The following ADGRV1 variants were observed in gnomAD, a reference collection of about 807,000 sequenced individuals.
ADGRV1 encodes the protein G-protein coupled receptor 98.
A neutral mutation model predicts 596.2 loss-of-function variants in ADGRV1; 359 were observed. The observed-to-expected ratio is 0.60, with a 90% CI of 0.55 to 0.66. The LOEUF (loss-of-function observed/expected upper bound fraction) is 0.66, where lower values mean the gene tolerates loss of function less well. ADGRV1 is among the 30% of genes least tolerant of loss of function. The pLI is 0.00. For missense variants in ADGRV1, 7,274 were observed against 7,575.6 expected, an observed-to-expected ratio of 0.96 and a Z score of 1.48; for synonymous variants, 2,681 against 2,679.2, an observed-to-expected ratio of 1.00 and a Z score of -0.02.
rs1745277936 is a variant in ADGRV1, at chr5:90,683,979, G to T, written c.6058G>T (p.Asp2020Tyr). The T allele has an allele frequency of 6.2e-7, 1 of 1,613,896 alleles. No individual in the cohort carries two copies. The highest frequency in any genetic ancestry group is 1.3e-5 in the African/African-American group (1 of 75,022). Residue 2020 changes from aspartate to tyrosine, a missense_variant, in exon 28 of 90, where the codon GAT becomes TAT. Physicochemically the swap from Asp to Tyr is radical, Grantham distance 160. Coordinates refer to ENST00000405460, the MANE Select transcript of ADGRV1 (RefSeq NM_032119.4). ...CCTTGTCTCATATGCAACACTAGAT[G>T]ATATGGAAAAACCACCTTATTTTCC... ...KVLVSYATLDDMEKPPYFPPN... is the reference protein window; with the variant it reads ...KVLVSYATLDYMEKPPYFPPN...
At chr5:91,163,367 A>G (rs539090561) in intron 89 of ADGRV1, among the ~76,000 whole-genome samples, 1 of 152,196 alleles carries the variant, frequency 6.6e-6, no homozygotes, top group East Asian at 1.9e-4. Flanking sequence ...ATCTCAAGTG[A>G]TGGACCTCAG....
Position 90,840,838 on chromosome 5 carries a change from T to A in ADGRV1, c.16872T>A (p.Asp5624Glu). 1 of 1,613,578 alleles carries A rather than the reference T, an allele frequency of 6.2e-7. No homozygotes were observed. Residue 5624 changes from aspartate to glutamate, a missense_variant, in exon 78 of 90, where the codon GAT becomes GAA. Physicochemically the swap from Asp to Glu is conservative, Grantham distance 45. Coordinates refer to ENST00000405460, the MANE Select transcript of ADGRV1 (RefSeq NM_032119.4). ...ACATCACTCTTGTCTCAGATGCAGA[T>A]TCGCAGGCCATTTGGGGGCTTGCAG... ...TANITLVSDADSQAIWGLADQ... is the reference protein window; with the variant it reads ...TANITLVSDAESQAIWGLADQ...
chr5:90,857,127 A>T (rs1478971140), intron 82 of ADGRV1, among the ~76,000 whole-genome samples: 2 of 152,116 alleles, frequency 1.3e-5, no homozygotes, highest in South Asian at 2.1e-4. Context: ...CTTATTCTTA[A>T]TATCTTTCAT....
intron 32 of ADGRV1, among the ~76,000 whole-genome samples, chr5:90,693,247 G>T (rs545123668): frequency 3.6e-5 from 5 of 139,018 alleles, no homozygotes; most frequent in Non-Finnish European, 7.7e-5. Flanking sequence ...ACAGGGAATT[G>T]ATTGCAGGTC....
intron 85 of ADGRV1, among the ~76,000 whole-genome samples, chr5:91,058,118 T>TA (rs1787060034): frequency 6.6e-6 from 1 of 152,284 alleles, no homozygotes; most frequent in Non-Finnish European, 1.5e-5. Context: ...GAGTCTGACT[T>TA]ACGCTGAGAA....
chr5:91,162,871 C>A (rs576395999), intron 89 of ADGRV1, among the ~76,000 whole-genome samples: 2 of 152,254 alleles, frequency 1.3e-5, no homozygotes, highest in South Asian at 4.1e-4. Context: ...GCTGCCTGAG[C>A]AACCGGTTTT....
chr5:90,883,587 C>G (rs888432192), intron 83 of ADGRV1, among the ~76,000 whole-genome samples: 3 of 152,146 alleles, frequency 2.0e-5, no homozygotes, highest in African/African-American at 7.2e-5. Context: ...GCCTTTCTCT[C>G]CCACCTTCCA....
chr5:90,565,039 A>AGCCTGACCAACATGGTGAAACCC (rs1161106325), intron 1 of ADGRV1, among the ~76,000 whole-genome samples: 1 of 152,118 alleles, frequency 6.6e-6, no homozygotes, highest in Non-Finnish European at 1.5e-5. Context: ...GTTTGAGACC[A>AGCCTGACCAACATGGTGAAACCC]GCCTGACCAA....
intron 1 of ADGRV1, among the ~76,000 whole-genome samples, chr5:90,596,404 C>G (rs1300428063): frequency 6.6e-6 from 1 of 151,772 alleles, no homozygotes. Context: ...CGGGCAGAGG[C>G]TGCAATCTCG....
At chr5:90,924,197 A>T (rs1297925870) in intron 83 of ADGRV1, among the ~76,000 whole-genome samples, 1 of 151,786 alleles carries the variant, frequency 6.6e-6, no homozygotes, top group Non-Finnish European at 1.5e-5. Context: ...ATCCCTGAGG[A>T]ATCATCACAC....
At chr5:90,712,458 C>A in intron 42 of ADGRV1, 30 bp downstream of exon 42, 1 of 1,518,846 alleles carries the variant, frequency 6.6e-7, no homozygotes, top group Non-Finnish European at 9.0e-7. Flanking sequence ...AAACAGCTTC[C>A]TCTCCTTCAT....
At chr5:90,988,886 T>G (rs1327795664) in intron 85 of ADGRV1, among the ~76,000 whole-genome samples, 3 of 149,398 alleles carry the variant, frequency 2.0e-5, no homozygotes, top group African/African-American at 7.4e-5. Flanking sequence ...TAAGAACATG[T>G]GGTGTTTGGT....
intron 86 of ADGRV1, among the ~76,000 whole-genome samples, chr5:91,072,841 T>A (rs1228739068): frequency 6.6e-6 from 1 of 152,198 alleles, no homozygotes; most frequent in Non-Finnish European, 1.5e-5. Context: ...GATATTGATA[T>A]CCAAGTAAAT....
At chr5:90,778,692 T>C (rs1314918848) in intron 63 of ADGRV1, 83 bp downstream of exon 63, 11 of 1,202,906 alleles carry the variant, frequency 9.1e-6, no homozygotes, top group Non-Finnish European at 4.5e-6. Flanking sequence ...TCCAGAGTTT[T>C]CATAAACTGA....
intron 1 of ADGRV1, among the ~76,000 whole-genome samples, chr5:90,569,704 T>C (rs1756273745): frequency 6.6e-6 from 1 of 151,800 alleles, no homozygotes; most frequent in Non-Finnish European, 1.5e-5. Context: ...TTTGTGGTTG[T>C]TTCTTTTATT....
chr5:90,792,283 G>C (rs1760168265), intron 70 of ADGRV1: 1 of 152,184 alleles, frequency 6.6e-6, no homozygotes, highest in African/African-American at 2.4e-5. Flanking sequence ...CTTTCATGGA[G>C]GTGTGTTATT....
chr5:90,903,366 A>G (rs1174807266), intron 83 of ADGRV1, among the ~76,000 whole-genome samples: 1 of 152,070 alleles, frequency 6.6e-6, no homozygotes, highest in Non-Finnish European at 1.5e-5. Flanking sequence ...AATATCCACC[A>G]AAGTTTATTT....
intron 70 of ADGRV1, among the ~76,000 whole-genome samples, chr5:90,797,041 C>CACTATG (rs1760800174): frequency 6.6e-6 from 1 of 151,772 alleles, no homozygotes; most frequent in Admixed American, 6.6e-5. Context: ...AGACCATCGA[C>CACTATG]ACTATGAAGA....
At chr5:91,095,160 C>T (rs1481946434) in intron 86 of ADGRV1, among the ~76,000 whole-genome samples, 1 of 151,918 alleles carries the variant, frequency 6.6e-6, no homozygotes, top group African/African-American at 2.4e-5. Flanking sequence ...TGCCAGCTAC[C>T]CAAATGAGGT....
Sources: allele counts gnomAD v4.1 joint callset (sites outside exome capture counted in the v4.1 genomes callset), GRCh38; gene constraint gnomAD v4.1.1; transcripts MANE v1.5; gene names NCBI Gene and HGNC (gene_info 2026-07-23, HGNC 2026-07-21).